NCKIPSD: variants seen among roughly 807,000 people sequenced by gnomAD.
The protein encoded by NCKIPSD is NCK interacting protein with SH3 domain, also known as NCK-interacting protein with SH3 domain.
In NCKIPSD, 48 loss-of-function variants were observed where a neutral mutation model predicts 73.4. The ratio of observed to expected loss-of-function variants is 0.65; its 90% CI spans 0.52 to 0.83. NCKIPSD has a LOEUF of 0.83. Ranked by LOEUF, NCKIPSD falls within the 40% of genes least tolerant of loss-of-function variation. The pLI is 0.00. For missense variants in NCKIPSD, 884 were observed against 970.2 expected, an observed-to-expected ratio of 0.91 and a Z score of 1.18; for synonymous variants, 422 against 403.6, an observed-to-expected ratio of 1.05 and a Z score of -0.54.
chr3:48,684,332 G>A (rs1410079762), intron 1 of NCKIPSD, among the ~76,000 whole-genome samples: 1 of 152,178 alleles, frequency 6.6e-6, no homozygotes, highest in East Asian at 1.9e-4. Flanking sequence ...ACAGGCCCTT[G>A]ACCTATGCCC....
At chr3:48,675,752 G>C (rs577031797) in intron 12 of NCKIPSD, among the ~76,000 whole-genome samples, 9 of 151,550 alleles carry the variant, frequency 5.9e-5, no homozygotes, top group Admixed American at 5.9e-4. Context: ...CGCCATGTTG[G>C]CCAGGCTGGT....
At position 48,679,843 on chromosome 3, in the gene NCKIPSD, G is replaced by T. The variant is rs562394435; in HGVS notation, c.1308C>A (p.Asn436Lys). The change falls in exon 7 of 13, where the codon AAC (asparagine) becomes AAA (lysine). Residue 436 changes from asparagine (N) to lysine (K), a missense_variant. Asn to Lys is a moderately conservative substitution (Grantham distance 94, BLOSUM62 0). Transcript: ENST00000294129. ...PEVCKKMCKR[N>K]EFESVLALVA... Reference sequence around the variant, plus strand: ...CCAAGGCCAGGACAGACTCGAACTCGTTTCTCTTGCACATTTTCTTGCAAA... The same window carrying T: ...CCAAGGCCAGGACAGACTCGAACTCTTTTCTCTTGCACATTTTCTTGCAAA... 6.2e-7 allele frequency: 1 copy of T among 1,614,190 alleles called. No individual in the cohort carries two copies. Among genetic ancestry groups the T allele is most frequent in the Non-Finnish European group, 8.5e-7 (1 of 1,180,036 alleles).
intron 2 of NCKIPSD, 174 bp downstream of exon 2, chr3:48,682,729 C>T: frequency 8.9e-7 from 1 of 1,129,728 alleles, no homozygotes; most frequent in Non-Finnish European, 1.3e-6. Flanking sequence ...CTCTGCACAC[C>T]CCTGGTGCTC....
At chr3:48,675,297 T>C (rs1250053292) in intron 12 of NCKIPSD, among the ~76,000 whole-genome samples, 2 of 151,924 alleles carry the variant, frequency 1.3e-5, no homozygotes, top group Non-Finnish European at 1.5e-5. Context: ...GAAAGAGCAC[T>C]GTTGCCGATT....
At chr3:48,679,549 C>T (rs1206892469) in intron 8 of NCKIPSD, 26 bp downstream of exon 8, 1 of 1,611,480 alleles carries the variant, frequency 6.2e-7, no homozygotes, top group Admixed American at 1.7e-5. Flanking sequence ...CAGGAAGTTC[C>T]CTCCTACCCC....
intron 5 of NCKIPSD, 35 bp downstream of exon 5, chr3:48,681,252 T>C (rs769529284): frequency 6.5e-6 from 10 of 1,539,614 alleles, no homozygotes; most frequent in African/African-American, 1.4e-5. Context: ...ACAGGGTGGG[T>C]AGCAGGGTGG....
chr3:48,674,833 AC>A, intron 12 of NCKIPSD, 86 bp from the exon 13 acceptor site: 1 of 1,359,874 alleles, frequency 7.4e-7, no homozygotes, highest in Non-Finnish European at 1.0e-6. Flanking sequence ...TGTCCCACAG[AC>A]CCCAGGGCTG....
chr3:48,678,666 C>A lies in NCKIPSD; in HGVS notation c.1863G>T (p.Val621=). The change falls in exon 12 of 13, where the codon GTG becomes GTT. Residue 621 remains valine, a synonymous_variant. Transcript: ENST00000294129. ...PHSVLKFLQD[V]FGSPATAAIF... is the part of the protein sequence containing the mutation. Reference sequence around the variant, plus strand: ...TGGCAGCTGTGGCCGGGCTGCCAAACACGTCCTGCAGGAACTTGAGGACAG... The same window carrying A: ...TGGCAGCTGTGGCCGGGCTGCCAAAAACGTCCTGCAGGAACTTGAGGACAG... 6.2e-7 allele frequency: 1 copy of A among 1,614,222 alleles called. No individual in the cohort carries two copies. The highest frequency in any genetic ancestry group is 8.5e-7 in the Non-Finnish European group (1 of 1,180,030).
At chr3:48,683,164 A>T in intron 1 of NCKIPSD, 152 bp from the exon 2 acceptor site, 1 of 1,385,504 alleles carries the variant, frequency 7.2e-7, no homozygotes, top group South Asian at 1.3e-5. Context: ...AGAATATGGA[A>T]TGGGGTTCTC....
At chr3:48,685,422 T>C (rs1433140540) in intron 1 of NCKIPSD, among the ~76,000 whole-genome samples, 1 of 152,022 alleles carries the variant, frequency 6.6e-6, no homozygotes, top group African/African-American at 2.4e-5. Flanking sequence ...GGAGTTGGTC[T>C]GTCAAGGGCC....
intron 12 of NCKIPSD, 103 bp from the exon 13 acceptor site, chr3:48,674,850 C>T: frequency 8.3e-7 from 1 of 1,205,682 alleles, no homozygotes. Context: ...GGCTGTGGAC[C>T]TGAACATCAG....
rs767799820 is a variant in NCKIPSD at position 48,682,565 on chromosome 3, C to G, written c.282-13G>C. The G allele has an allele frequency of 6.2e-7, 1 of 1,613,552 alleles. No homozygotes were observed. Among genetic ancestry groups the G allele is most frequent in the East Asian group, 2.2e-5 (1 of 44,874 alleles). On this transcript the variant is annotated splice_polypyrimidine_tract_variant and intron_variant, in intron 2 of 12. Transcript: ENST00000294129. Reference sequence around the variant, plus strand: ...GTGGATCAGCTTCCTGATGGAAGGACAGGAAGACTATTGGGGGGTTGCATC... The same window carrying G: ...GTGGATCAGCTTCCTGATGGAAGGAGAGGAAGACTATTGGGGGGTTGCATC...
intron 1 of NCKIPSD, 150 bp from the exon 2 acceptor site, chr3:48,683,162 G>T: frequency 7.2e-7 from 1 of 1,395,262 alleles, no homozygotes; most frequent in Non-Finnish European, 9.7e-7. Context: ...CCAGAATATG[G>T]AATGGGGTTC....
At chr3:48,675,501 A>C (rs1270848070) in intron 12 of NCKIPSD, among the ~76,000 whole-genome samples, 1 of 119,304 alleles carries the variant, frequency 8.4e-6, no homozygotes, top group Non-Finnish European at 1.7e-5. Flanking sequence ...TGATCTATAT[A>C]TATATATCAT....
rs755027188 is a variant in NCKIPSD at position 48,678,879 on chromosome 3, C to T, written c.1790G>A (p.Gly597Glu). The change falls in exon 11 of 13, where the codon GGG (glycine) becomes GAG (glutamate). Residue 597 changes from glycine (G) to glutamate (E), a missense_variant and splice_region_variant. Physicochemically the swap from Gly to Glu is moderately conservative, Grantham distance 98. Transcript: ENST00000294129. ...CGCGCAGATTCCCGGGCCCTCACCC[C>T]CTCTGTTCAGGAGCAACAACAGCTT... ...SEKLLLLLNR[G>E]DDPVRIFKHE... 23 of 1,613,778 alleles carry T rather than the reference C, an allele frequency of 1.4e-5. No individual in the cohort carries two copies. The highest frequency in any genetic ancestry group is 1.9e-5 in the Non-Finnish European group (22 of 1,180,014).
Position 48,682,717 on chromosome 3 carries a change from C to T in NCKIPSD, c.282-165G>A, listed in dbSNP as rs775985228. ...GTACCCCATACTATCCTCAGTCCTG[C>T]GCTCTGCACACCCCTGGTGCTCACT... On this transcript the variant is annotated intron_variant, in intron 2 of 12. Transcript: ENST00000294129. Among the ~76,000 whole-genome samples the T allele has an allele frequency of 2.0e-4, 30 of 152,090 alleles. 1 individual carries two copies. The highest frequency in any genetic ancestry group is 4.0e-4 in the Non-Finnish European group (27 of 68,000).
rs1403944861 is a variant in NCKIPSD, at chr3:48,674,242, G to A, written c.*302C>T. 3 of 1,279,518 alleles carry A rather than the reference G, an allele frequency of 2.3e-6. No individual in the cohort carries two copies. The highest frequency in any genetic ancestry group is 3.0e-6 in the Non-Finnish European group (3 of 1,002,830). The allele number at this position is 1,279,518 out of a possible 1,614,324, so 79.3% of individuals were successfully genotyped here. ...GGGTCTGGTCCAGCCTGGAGCGGCA[G>A]CAGGACTCTGAGTGTACACATGGGT... On this transcript the variant is annotated 3_prime_UTR_variant, in exon 13 of 13. Coordinates refer to ENST00000294129, the MANE Select transcript of NCKIPSD (RefSeq NM_016453.4).
Position 48,685,860 on chromosome 3 carries a change from C to G in NCKIPSD, c.-53G>C. On this transcript the variant is annotated 5_prime_UTR_variant, in exon 1 of 13. Transcript: ENST00000294129. The stretch of plus-strand genomic sequence containing the variant: ...GGTGGCAAGGGCTGCGGCGCCACAA[C>G]GCCAGGCCGGGAGCGCCGAGCCGCG... 1 of 1,348,768 alleles carries G rather than the reference C, an allele frequency of 7.4e-7. No homozygotes were observed. Among genetic ancestry groups the G allele is most frequent in the Non-Finnish European group, 9.5e-7 (1 of 1,053,480 alleles). 83.6% of individuals were successfully genotyped at this position (1,348,768 alleles called of 1,614,324 possible). A position where few individuals can be genotyped will look rare whatever the true frequency, so the allele number is the denominator to read the frequency against.
chr3:48,681,983 C>CA, intron 4 of NCKIPSD, 62 bp downstream of exon 4: 1 of 1,547,172 alleles, frequency 6.5e-7, no homozygotes, highest in East Asian at 2.3e-5. Context: ...CTGACACAGG[C>CA]AGCACAACCA....
Sources: allele counts gnomAD v4.1 joint callset (sites outside exome capture counted in the v4.1 genomes callset), GRCh38; gene constraint gnomAD v4.1.1; transcripts MANE v1.5; gene names NCBI Gene and HGNC (gene_info 2026-07-23, HGNC 2026-07-21).